CDH4: variants seen among roughly 807,000 people sequenced by gnomAD.
The protein encoded by CDH4 is cadherin 4.
A neutral mutation model predicts 86.0 loss-of-function variants in CDH4; 33 were observed. The observed-to-expected ratio is 0.38, with a 90% CI of 0.29 to 0.51. The LOEUF (loss-of-function observed/expected upper bound fraction) is 0.51. Ranked by LOEUF, CDH4 falls within the 20% of genes least tolerant of loss-of-function variation. The pLI is 0.86. For missense variants in CDH4, 1,114 were observed against 1,307.4 expected, an observed-to-expected ratio of 0.85 and a Z score of 2.28; for synonymous variants, 555 against 549.4, an observed-to-expected ratio of 1.01 and a Z score of -0.14.
chr20:61,916,793 C>G (rs2054907539), intron 9 of CDH4, among the ~76,000 whole-genome samples: 1 of 152,254 alleles, frequency 6.6e-6, no homozygotes, highest in African/African-American at 2.4e-5. Flanking sequence ...TTGTCAGGTA[C>G]ACACTGGAAG....
At chr20:61,756,417 G>A (rs577139072) in intron 3 of CDH4, among the ~76,000 whole-genome samples, 1 of 152,260 alleles carries the variant, frequency 6.6e-6, no homozygotes, top group South Asian at 2.1e-4. Flanking sequence ...CTGGAGCAGG[G>A]AGCTCAGGAG....
chr20:61,800,932 A>ATAGGG (rs776051075), intron 4 of CDH4, among the ~76,000 whole-genome samples: 10 of 152,140 alleles, frequency 6.6e-5, no homozygotes, highest in Admixed American at 1.3e-4. Context: ...TGCGCCACAC[A>ATAGGG]TAGGGTAGGC....
chr20:61,631,546 G>A (rs2086888600), intron 2 of CDH4, among the ~76,000 whole-genome samples: 1 of 152,212 alleles, frequency 6.6e-6, no homozygotes, highest in Non-Finnish European at 1.5e-5. Context: ...TCAGGAGGCT[G>A]AAGCAGGAGA....
chr20:61,529,969 C>T (rs140498572), intron 2 of CDH4, among the ~76,000 whole-genome samples: 1 of 152,304 alleles, frequency 6.6e-6, no homozygotes, highest in East Asian at 1.9e-4. Flanking sequence ...TCCCAAATAG[C>T]TGGGATTACA....
intron 2 of CDH4, among the ~76,000 whole-genome samples, chr20:61,490,331 G>A (rs1053371445): frequency 2.0e-5 from 3 of 152,150 alleles, no homozygotes; most frequent in African/African-American, 4.8e-5. Flanking sequence ...CACACGAAGC[G>A]GAAGGGGCCT....
At chr20:61,509,968 G>A (rs1413212197) in intron 2 of CDH4, among the ~76,000 whole-genome samples, 1 of 152,134 alleles carries the variant, frequency 6.6e-6, no homozygotes, top group East Asian at 1.9e-4. Flanking sequence ...TTTCCATATG[G>A]CGAAGGTTCT....
intron 2 of CDH4, among the ~76,000 whole-genome samples, chr20:61,476,242 C>A (rs1322599945): frequency 6.6e-6 from 1 of 152,188 alleles, no homozygotes; most frequent in Admixed American, 6.5e-5. Flanking sequence ...TTCAGTCCTG[C>A]GTTAAGCTCT....
In CDH4 at chr20:61,751,237, A is replaced by G. The variant is rs373440347; in HGVS notation, c.396+7448A>G. Among the ~76,000 whole-genome samples the G allele has an allele frequency of 1.0e-3, 155 of 152,318 alleles. 5 individuals are homozygous for G. The South Asian group carries it at 0.03, about 30-fold the overall frequency. On this transcript the variant is annotated intron_variant, in intron 3 of 15. Transcript: ENST00000614565. The stretch of plus-strand genomic sequence containing the variant: ...CCTGTGTGCTACAGGATAGTAAGCC[A>G]GACTCCTGGCCTCTACCCACTAAAC...
chr20:61,846,183 G>A (rs989898863), intron 5 of CDH4, among the ~76,000 whole-genome samples: 10 of 152,220 alleles, frequency 6.6e-5, no homozygotes, highest in African/African-American at 2.2e-4. Flanking sequence ...GGTCTGCACC[G>A]GGGCCTTATC....
chr20:61,753,685 G>T (rs11905968), intron 3 of CDH4, among the ~76,000 whole-genome samples: 22 of 152,068 alleles, frequency 1.4e-4, no homozygotes, highest in African/African-American at 4.8e-4. Flanking sequence ...CTGTGGGTAT[G>T]GTTTGCAAAA....
chr20:61,822,338 G>A (rs1308226132), intron 4 of CDH4, among the ~76,000 whole-genome samples: 1 of 152,232 alleles, frequency 6.6e-6, no homozygotes, highest in East Asian at 1.9e-4. Context: ...GAGCAATAAT[G>A]TGGGAGACAG....
At chr20:61,473,438 C>T (rs1010387875) in intron 2 of CDH4, among the ~76,000 whole-genome samples, 2 of 152,132 alleles carry the variant, frequency 1.3e-5, no homozygotes, top group African/African-American at 2.4e-5. Flanking sequence ...AGAGAGCTTA[C>T]GAGCCCCTCC....
At chr20:61,848,759 C>T (rs866063875) in intron 5 of CDH4, among the ~76,000 whole-genome samples, 1 of 152,188 alleles carries the variant, frequency 6.6e-6, no homozygotes, top group Non-Finnish European at 1.5e-5. Flanking sequence ...AACTCCTGAG[C>T]TCAAGCCATC....
At chr20:61,662,148 C>A (rs6089458) in intron 2 of CDH4, among the ~76,000 whole-genome samples, 1 of 152,022 alleles carries the variant, frequency 6.6e-6, no homozygotes, top group African/African-American at 2.4e-5. Flanking sequence ...CCCAACTGAC[C>A]CCCCTAATCT....
intron 13 of CDH4, among the ~76,000 whole-genome samples, chr20:61,931,018 G>A (rs529478099): frequency 6.6e-5 from 10 of 152,360 alleles, no homozygotes; most frequent in African/African-American, 2.2e-4. Context: ...CCGGGGCCAC[G>A]GTCAACAGCA....
Position 61,923,497 on chromosome 20 carries a change from T to C in CDH4, c.1421T>C (p.Val474Ala), listed in dbSNP as rs750899476. 6.2e-6 allele frequency: 10 copies of C among 1,613,996 alleles called. No homozygotes were observed. In the Admixed American group the frequency reaches 8.3e-5, roughly 13 times the overall value. ...LNRAFMLTVM[V>A]SNQAPLASGI... ...AGAGCTTTCATGCTGACAGTGATGG[T>C]GTCCAACCAGGCGCCCCTGGCCAGC... The change falls in exon 10 of 16, where the codon GTG (valine) becomes GCG (alanine). Residue 474 changes from valine to alanine, a missense_variant. Physicochemically the swap from Val to Ala is moderately conservative, Grantham distance 64 (BLOSUM62 0). Transcript: ENST00000614565.
At chr20:61,923,343 TG>T in intron 9 of CDH4, 107 bp from the exon 10 acceptor site, 2 of 1,083,750 alleles carry the variant, frequency 1.8e-6, no homozygotes, top group Non-Finnish European at 2.8e-6. Flanking sequence ...AGAGAAGAGC[TG>T]GACATGGCTC....
chr20:61,632,837 T>TCCCCACCC (rs2086905392), intron 2 of CDH4, among the ~76,000 whole-genome samples: 1 of 89,066 alleles, frequency 1.1e-5, no homozygotes, highest in African/African-American at 4.8e-5. Flanking sequence ...TCTCCTCCTC[T>TCCCCACCC]CCCCACCCTC....
At chr20:61,454,552 T>A (rs2085397646) in intron 2 of CDH4, among the ~76,000 whole-genome samples, 1 of 152,056 alleles carries the variant, frequency 6.6e-6, no homozygotes, top group Admixed American at 6.5e-5. Flanking sequence ...TTCACGCCAT[T>A]CTCCTGCCTC....
Sources: allele counts gnomAD v4.1 joint callset (sites outside exome capture counted in the v4.1 genomes callset), GRCh38; gene constraint gnomAD v4.1.1; transcripts MANE v1.5; gene names NCBI Gene and HGNC (gene_info 2026-07-23, HGNC 2026-07-21).